Variants in POM121 observed in about 807,000 individuals in gnomAD.
The protein encoded by POM121 is nuclear envelope pore membrane protein POM 121.
In POM121, 32 loss-of-function variants were observed where a neutral mutation model predicts 81.3. The ratio of observed to expected loss-of-function variants is 0.39; its 90% CI spans 0.30 to 0.53. The LOEUF (loss-of-function observed/expected upper bound fraction) is 0.53. Among genes scored for constraint, POM121 ranks in the 20% least tolerant of loss-of-function variants. The pLI is 0.66. For missense variants in POM121, 1,138 were observed against 1,614.6 expected, an observed-to-expected ratio of 0.70 and a Z score of 5.06; for synonymous variants, 514 against 694.2, an observed-to-expected ratio of 0.74 and a Z score of 4.08.
At chr7:72,916,197 G>C (rs1324507180) in intron 4 of POM121, among the ~76,000 whole-genome samples, 1 of 152,146 alleles carries the variant, frequency 6.6e-6, no homozygotes, top group Non-Finnish European at 1.5e-5. Context: ...TGTCAATTTT[G>C]GCTTTTGTTG....
intron 3 of POM121, 46 bp downstream of exon 3, chr7:72,927,009 C>T (rs1554497675): frequency 3.1e-6 from 5 of 1,613,544 alleles, no homozygotes; most frequent in Admixed American, 1.7e-5. Flanking sequence ...GCTTGGACTC[C>T]TATGGGATGA....
At chr7:72,902,255 C>CTTTTTTTTT (rs1210238081) in intron 3 of POM121, among the ~76,000 whole-genome samples, 6 of 126,616 alleles carry the variant, frequency 4.7e-5, no homozygotes, top group Admixed American at 8.0e-5. Context: ...CTTTTTCTTT[C>CTTTTTTTTT]TTTTTTTTTT....
downstream of POM121, chr7:72,948,683 C>A: frequency 1.2e-6 from 2 of 1,600,294 alleles, no homozygotes; most frequent in Non-Finnish European, 1.7e-6. Context: ...CATCTCGACC[C>A]GTTCAATTAC....
At chr7:72,936,519 C>A (rs1184961889) in intron 5 of POM121, among the ~76,000 whole-genome samples, 1 of 152,172 alleles carries the variant, frequency 6.6e-6, no homozygotes, top group Non-Finnish European at 1.5e-5. Context: ...CCTCGTGATC[C>A]GCCCACCTTG....
intron 3 of POM121, among the ~76,000 whole-genome samples, chr7:72,892,231 A>G (rs1791369001): frequency 6.6e-6 from 1 of 152,102 alleles, no homozygotes. Context: ...TTTCTTGTGT[A>G]TTTTTGCAGC....
At chr7:72,889,358 T>C (rs1554490519) in intron 1 of POM121, among the ~76,000 whole-genome samples, 2 of 152,264 alleles carry the variant, frequency 1.3e-5, no homozygotes, top group Non-Finnish European at 2.9e-5. Flanking sequence ...ATATGTTCTT[T>C]ATAAATAACA....
intron 1 of POM121, among the ~76,000 whole-genome samples, chr7:72,887,457 G>A (rs1196753687): frequency 2.6e-5 from 4 of 152,194 alleles, no homozygotes; most frequent in African/African-American, 9.7e-5. Flanking sequence ...CAAGGCAGAA[G>A]TTGATTGGTT....
intron 3 of POM121, among the ~76,000 whole-genome samples, chr7:72,907,031 G>C (rs1219830279): frequency 6.6e-6 from 1 of 152,112 alleles, no homozygotes; most frequent in East Asian, 1.9e-4. Flanking sequence ...TCTTTTCTAA[G>C]TTGTTCCCTC....
chr7:72,921,496 C>T (rs1179444416), upstream of POM121, among the ~76,000 whole-genome samples: 2 of 152,200 alleles, frequency 1.3e-5, no homozygotes, highest in Non-Finnish European at 2.9e-5. Context: ...GACTCCAGCT[C>T]TCTGCACTGC....
At chr7:72,936,363 C>A (rs1796506259) in intron 5 of POM121, among the ~76,000 whole-genome samples, 1 of 151,094 alleles carries the variant, frequency 6.6e-6, no homozygotes, top group African/African-American at 2.4e-5. Flanking sequence ...GAGACGGAGT[C>A]TTGCTCTGTC....
At chr7:72,938,898 A>G (rs1279345529) in intron 6 of POM121, among the ~76,000 whole-genome samples, 7 of 151,980 alleles carry the variant, frequency 4.6e-5, no homozygotes, top group African/African-American at 1.2e-4. Flanking sequence ...GTCGCCTCCC[A>G]CTCCAGCATG....
At chr7:72,902,325 C>T (rs552522495) in intron 3 of POM121, among the ~76,000 whole-genome samples, 24 of 135,020 alleles carry the variant, frequency 1.8e-4, no homozygotes, top group African/African-American at 6.2e-4. Flanking sequence ...TGCAATGGTG[C>T]GATCTTGGCT....
intron 3 of POM121, among the ~76,000 whole-genome samples, chr7:72,904,590 C>G (rs1554493129): frequency 1.3e-5 from 2 of 152,178 alleles, no homozygotes; most frequent in East Asian, 1.9e-4. Context: ...GGGCTGCCAT[C>G]TTCAAGGCTC....
chr7:72,902,436 T>TATA (rs1412800035), intron 3 of POM121, among the ~76,000 whole-genome samples: 2 of 151,692 alleles, frequency 1.3e-5, no homozygotes, highest in Non-Finnish European at 2.9e-5. Context: ...CTAATTTTTG[T>TATA]ATACTTTTCA....
Position 72,939,115 on chromosome 7 carries a change from G to C in POM121, c.1368-221G>C, listed in dbSNP as rs187147655. On this transcript the variant is annotated intron_variant, in intron 6 of 12. Coordinates refer to ENST00000434423, the MANE Select transcript of POM121 (RefSeq NM_001387691.1). ...AGTAAGGTTTGAAGATTATTGTTTTGTGCTTGTTTTAAGACAAAAGCTGTC... is the reference window on the plus strand; with the variant it reads ...AGTAAGGTTTGAAGATTATTGTTTTCTGCTTGTTTTAAGACAAAAGCTGTC... Among the ~76,000 whole-genome samples, 440 of 152,276 alleles carry C rather than the reference G, an allele frequency of 2.9e-3. 2 individuals are homozygous for C. The highest frequency in any genetic ancestry group is 0.013 in the South Asian group (65 of 4,830).
chr7:72,949,333 T>C (rs1384575899), downstream of POM121: 1 of 810,020 alleles, frequency 1.2e-6, no homozygotes, highest in Admixed American at 1.7e-5. Context: ...GCAGGAAGGA[T>C]CCAGCAGGAC....
Position 72,943,132 on chromosome 7 carries a change from T to G in POM121, c.3139T>G (p.Phe1047Val). The change falls in exon 11 of 13, where the codon TTC (phenylalanine) becomes GTC (valine). Residue 1047 changes from phenylalanine to valine, a missense_variant. Around this residue, in one of 7 missense-constraint regions of POM121, gnomAD observed 336 missense variants for 344.3 expected, o/e 0.98. Coordinates refer to ENST00000434423, the MANE Select transcript of POM121 (RefSeq NM_001387691.1). ...AFGLKATASA[F>V]GAPASSQPAF... The stretch of plus-strand genomic sequence containing the variant: ...TGGGTTGAAAGCCACGGCTTCGGCC[T>G]TCGGCGCTCCCGCCAGCTCACAGCC... The G allele has an allele frequency of 1.2e-6, 2 of 1,613,166 alleles. No homozygotes were observed. Among genetic ancestry groups the G allele is most frequent in the East Asian group, 4.5e-5 (2 of 44,862 alleles).
rs1795489060 is a variant in POM121 at position 72,926,761 on chromosome 7, A to G, written c.861-41A>G. 3.1e-6 allele frequency: 5 copies of G among 1,604,148 alleles called. No homozygotes were observed. In the East Asian group the frequency reaches 1.1e-4, roughly 36 times the overall value. ...GAAGTCTGTGCTATATGGCATGGGA[A>G]TTAAAATATCTTACAGCTAGAATCT... On this transcript the variant is annotated intron_variant, in intron 2 of 12. Coordinates refer to ENST00000434423, the MANE Select transcript of POM121 (RefSeq NM_001387691.1).
At chr7:72,907,304 ATTG>A (rs1395439494) in intron 3 of POM121, among the ~76,000 whole-genome samples, 2 of 151,988 alleles carry the variant, frequency 1.3e-5, no homozygotes, top group Non-Finnish European at 2.9e-5. Flanking sequence ...TTTTTATGGT[ATTG>A]TTGTCTTGAA....
Sources: gnomAD v4.1 joint callset for allele counts (sites outside exome capture counted in the v4.1 genomes callset) on GRCh38, gnomAD v4.1.1 for gene constraint, gnomAD v4.1.1 regional missense constraint, MANE v1.5 for transcripts, NCBI Gene and HGNC (gene_info 2026-07-23, HGNC 2026-07-21) for gene names.